TTC13: variants seen among roughly 807,000 people sequenced by gnomAD.
TTC13 encodes the protein tetratricopeptide repeat protein 13.
A neutral mutation model predicts 120.0 loss-of-function variants in TTC13; 62 were observed. The observed-to-expected ratio is 0.52, with a 90% CI of 0.42 to 0.64. TTC13 has a LOEUF of 0.64. Among genes scored for constraint, TTC13 ranks in the 30% least tolerant of loss-of-function variants. TTC13 has a pLI of 0.00. For synonymous variants in TTC13, 384 were observed against 393.5 expected, an observed-to-expected ratio of 0.98 and a Z score of 0.28; for missense variants, 824 against 1,050.2, an observed-to-expected ratio of 0.78 and a Z score of 2.98.
chr1:230,959,607 C>T (rs1676437029), intron 2 of TTC13, among the ~76,000 whole-genome samples: 1 of 152,212 alleles, frequency 6.6e-6, no homozygotes, highest in Non-Finnish European at 1.5e-5. Context: ...TCTTGAACTC[C>T]TGACCTCAGG....
intron 10 of TTC13, 42 bp from the exon 11 acceptor site, chr1:230,931,514 A>G: frequency 6.2e-7 from 1 of 1,600,404 alleles, no homozygotes; most frequent in Non-Finnish European, 8.5e-7. Context: ...CAGTTTAGGA[A>G]AACTTTGAAA....
At position 230,939,464 on chromosome 1, in the gene TTC13, C is replaced by G. The variant is rs1002812182; in HGVS notation, c.822G>C (p.Gln274His). Residue 274 changes from glutamine (Q) to histidine (H), a missense_variant, in exon 8 of 23, where the codon CAG becomes CAC. Gln to His is a conservative substitution (Grantham distance 24). Around this residue, in one of 4 missense-constraint regions of TTC13, gnomAD observed 430 missense variants for 626.8 expected, o/e 0.69. Coordinates refer to ENST00000366661, the MANE Select transcript of TTC13 (RefSeq NM_024525.5). ...DYATAHEDFQ[Q>H]SLELNKNQPI... is the part of the protein sequence containing the mutation. The stretch of plus-strand genomic sequence containing the variant: ...GCTGGTTTTTGTTCAGTTCTAAGGA[C>G]TGCTGAAAGTCTTCATGGGCTGTTG... The G allele has an allele frequency of 1.9e-5, 31 of 1,611,294 alleles. No homozygotes were observed. The highest frequency in any genetic ancestry group is 2.6e-5 in the Non-Finnish European group (31 of 1,178,076).
In TTC13 at chr1:230,916,276, C is replaced by A. The variant is rs1558167975; in HGVS notation, c.2010G>T (p.Gly670=). Residue 670 remains glycine (G), a synonymous_variant, in exon 18 of 23, where the codon GGG becomes GGT. Transcript: ENST00000366661. The part of the protein sequence containing the change: ...MKQFNTKTKD[G]FTVNTKVPSL... Reference sequence around the variant, plus strand: ...TGGGAACTTTTGTGTTCACGGTGAACCCATCCTTCGTTTTAGTATTAAACT... The same window carrying A: ...TGGGAACTTTTGTGTTCACGGTGAAACCATCCTTCGTTTTAGTATTAAACT... The A allele has an allele frequency of 6.2e-7, 1 of 1,613,922 alleles. No individual in the cohort carries two copies. Among genetic ancestry groups the A allele is most frequent in the Non-Finnish European group, 8.5e-7 (1 of 1,179,906 alleles).
At chr1:230,930,735 T>A (rs369383067) in intron 11 of TTC13, among the ~76,000 whole-genome samples, 9 of 152,254 alleles carry the variant, frequency 5.9e-5, no homozygotes, top group East Asian at 5.8e-4. Flanking sequence ...CTGGCCAACA[T>A]GGTGAAACCC....
intron 1 of TTC13, among the ~76,000 whole-genome samples, chr1:230,969,143 T>A (rs1352429770): frequency 1.3e-5 from 1 of 76,028 alleles, no homozygotes; most frequent in Non-Finnish European, 2.7e-5. Flanking sequence ...GCGCCTGTAG[T>A]CCCAGCTATC....
At chr1:230,952,908 T>C (rs964597654) in intron 4 of TTC13, among the ~76,000 whole-genome samples, 1 of 152,212 alleles carries the variant, frequency 6.6e-6, no homozygotes, top group African/African-American at 2.4e-5. Context: ...GAGTATTATA[T>C]TGTCTTCAAC....
At chr1:230,914,005 A>T (rs139616213) in intron 18 of TTC13, among the ~76,000 whole-genome samples, 110 of 152,256 alleles carry the variant, frequency 7.2e-4, no homozygotes, top group African/African-American at 2.6e-3. Context: ...AGCTAGGGGA[A>T]CGTCCAGTGA....
intron 14 of TTC13, among the ~76,000 whole-genome samples, chr1:230,924,385 T>A (rs1307346890): frequency 6.6e-6 from 1 of 152,188 alleles, no homozygotes; most frequent in Admixed American, 6.5e-5. Flanking sequence ...CAGGCTGGAG[T>A]GCAGTGGCGC....
At chr1:230,936,191 G>A (rs1433676516) in intron 8 of TTC13, 1 of 456,098 alleles carries the variant, frequency 2.2e-6, no homozygotes. Context: ...TTCAAAGTCT[G>A]ATTTCTCTTC....
chr1:230,925,467 C>G (rs1558179507), intron 13 of TTC13, 50 bp downstream of exon 13: 6 of 1,604,400 alleles, frequency 3.7e-6, no homozygotes, highest in Non-Finnish European at 5.1e-6. Flanking sequence ...CTTAACCACC[C>G]TTCCTCTTAT....
intron 12 of TTC13, among the ~76,000 whole-genome samples, chr1:230,926,293 G>A (rs1221561780): frequency 6.6e-6 from 1 of 152,026 alleles, no homozygotes; most frequent in Non-Finnish European, 1.5e-5. Flanking sequence ...GAGAAGTCTG[G>A]AGGAAACCAG....
intron 17 of TTC13, 162 bp downstream of exon 17, chr1:230,920,348 G>T (rs1042863386): frequency 1.5e-5 from 7 of 467,668 alleles, no homozygotes; most frequent in Non-Finnish European, 2.3e-5. Context: ...TTTTCTGTTT[G>T]AGTCTGATGC....
At chr1:230,919,212 A>C (rs915710562) in intron 17 of TTC13, among the ~76,000 whole-genome samples, 2 of 151,510 alleles carry the variant, frequency 1.3e-5, no homozygotes, top group African/African-American at 4.9e-5. Flanking sequence ...TTTTTAGGAG[A>C]TGGGGTCTCA....
chr1:230,935,797 T>C (rs982937650), intron 8 of TTC13, among the ~76,000 whole-genome samples: 1 of 152,070 alleles, frequency 6.6e-6, no homozygotes, highest in Middle Eastern at 3.2e-3. Context: ...GGGAGCCAAT[T>C]AGGGAGTTGC....
intron 18 of TTC13, among the ~76,000 whole-genome samples, chr1:230,914,615 G>A (rs748798439): frequency 7.9e-5 from 12 of 152,156 alleles, no homozygotes; most frequent in Admixed American, 2.6e-4. Context: ...GGCTGGTCTC[G>A]AACTCCTGAC....
chr1:230,928,943 TG>T lies in TTC13; in HGVS notation c.1450del (p.His484ThrfsTer2). The T allele has an allele frequency of 6.2e-7, 1 of 1,613,988 alleles. No individual in the cohort carries two copies. Among genetic ancestry groups the T allele is most frequent in the Non-Finnish European group, 8.5e-7 (1 of 1,179,976 alleles). Reference sequence around the variant, plus strand: ...CTTCATTTAAAGCACTTACTTTATGTGGGGTTGCAACCCTGGCTGCTCTTCG... The same window carrying T: ...CTTCATTTAAAGCACTTACTTTATGTGGGTTGCAACCCTGGCTGCTCTTCG... ...DYEEQPGLQP[H>X]IKDVLHQNFE... On this transcript the variant is annotated frameshift_variant, in exon 12 of 23. Coordinates refer to ENST00000366661, the MANE Select transcript of TTC13 (RefSeq NM_024525.5). LOFTEE classifies it high-confidence loss of function.
intron 1 of TTC13, among the ~76,000 whole-genome samples, chr1:230,966,765 G>A (rs948550656): frequency 2.0e-5 from 3 of 152,180 alleles, no homozygotes; most frequent in Non-Finnish European, 4.4e-5. Flanking sequence ...CATAGTTACC[G>A]TGTACAGGCA....
At chr1:230,928,520 G>A (rs1673247490) in intron 12 of TTC13, among the ~76,000 whole-genome samples, 1 of 152,110 alleles carries the variant, frequency 6.6e-6, no homozygotes, top group South Asian at 2.1e-4. Context: ...TATGTGATCT[G>A]CAAACAATGA....
chr1:230,962,261 A>G (rs1676710920), intron 1 of TTC13, among the ~76,000 whole-genome samples: 1 of 152,174 alleles, frequency 6.6e-6, no homozygotes, highest in African/African-American at 2.4e-5. Context: ...AAATATATAA[A>G]TAGCTCTTAC....
Sources: gnomAD v4.1 joint callset for allele counts (sites outside exome capture counted in the v4.1 genomes callset) on GRCh38, gnomAD v4.1.1 for gene constraint, gnomAD v4.1.1 regional missense constraint, MANE v1.5 for transcripts, NCBI Gene and HGNC (gene_info 2026-07-23, HGNC 2026-07-21) for gene names.